Variants in PDGFRA observed in about 807,000 individuals in gnomAD.
The protein encoded by PDGFRA is platelet-derived growth factor receptor alpha.
PDGFRA carries 25 observed loss-of-function variants against 121.5 expected under a neutral mutation model. The observed-to-expected ratio is 0.21, with a 90% CI of 0.15 to 0.29. The LOEUF is 0.29. Ranked by LOEUF, PDGFRA falls within the 10% of genes least tolerant of loss-of-function variation. The probability of loss-of-function intolerance (pLI) is 1.00; values close to 1 mark genes in which losing one functional copy is unlikely to be tolerated. For synonymous variants in PDGFRA, 463 were observed against 494.8 expected, an observed-to-expected ratio of 0.94 and a Z score of 0.85; for missense variants, 1,008 against 1,345.1, an observed-to-expected ratio of 0.75 and a Z score of 3.92.
intron 1 of PDGFRA, among the ~76,000 whole-genome samples, chr4:54,255,574 T>C (rs1305581152): frequency 6.6e-6 from 1 of 151,526 alleles, no homozygotes; most frequent in Non-Finnish European, 1.5e-5. Context: ...GGCGCGATCT[T>C]GGCTCACTGC....
chr4:54,270,770 A>G (rs2110280510), intron 8 of PDGFRA, 22 bp downstream of exon 8: 3 of 1,277,980 alleles, frequency 2.3e-6, no homozygotes, highest in Non-Finnish European at 3.4e-6. Flanking sequence ...GAGTATAAAG[A>G]TAATGCTAGC....
In PDGFRA at chr4:54,261,327, C is replaced by A. The variant is rs750282565; in HGVS notation, c.282C>A (p.His94Gln). Reference sequence around the variant, plus strand: ...AAGTGAGCAGTGCCTCGGCGGCCCACACAGGGTTGTACACTTGCTATTACA... The same window carrying A: ...AAGTGAGCAGTGCCTCGGCGGCCCAAACAGGGTTGTACACTTGCTATTACA... ...VLEVSSASAA[H>Q]TGLYTCYYNH... The change falls in exon 3 of 23, where the codon CAC becomes CAA. Residue 94 changes from histidine to glutamine, a missense_variant. Physicochemically the swap from His to Gln is conservative, Grantham distance 24. Around this residue, in one of 5 missense-constraint regions of PDGFRA, gnomAD observed 575 missense variants for 701.8 expected, o/e 0.82. Transcript: ENST00000257290. The A allele has an allele frequency of 4.3e-6, 7 of 1,613,964 alleles. No homozygotes were observed. Among genetic ancestry groups the A allele is most frequent in the Non-Finnish European group, 5.9e-6 (7 of 1,180,000 alleles).
Position 54,280,311 on chromosome 4 carries a change from TA to T in PDGFRA, c.2157-4del, listed in dbSNP as rs1060504256. ...TGGGTAAGATTTCTCTTTCTGTTTT[TA>T]CAGCTATGTTATTTTATCTTTTGAA... On this transcript the variant is annotated splice_polypyrimidine_tract_variant and splice_region_variant and intron_variant, in intron 15 of 22. Coordinates refer to ENST00000257290, the MANE Select transcript of PDGFRA (RefSeq NM_006206.6). 7.4e-6 allele frequency: 12 copies of T among 1,613,112 alleles called. No homozygotes were observed. Among genetic ancestry groups the T allele is most frequent in the African/African-American group, 1.3e-5 (1 of 74,910 alleles).
Position 54,280,422 on chromosome 4 carries a change from T to C in PDGFRA, c.2263T>C (p.Ser755Pro), listed in dbSNP as rs780701113. 6.2e-7 allele frequency: 1 copy of C among 1,613,806 alleles called. No homozygotes were observed. Among genetic ancestry groups the C allele is most frequent in the South Asian group, 1.1e-5 (1 of 91,074 alleles). Reference protein sequence around the residue: ...MLERKEVSKYSDIQRSLYDRP... With the variant: ...MLERKEVSKYPDIQRSLYDRP... ...AGAAAGGAAAGAGGTTTCTAAATAT[T>C]CCGACATCCAGAGATCACTCTATGA... Residue 755 changes from serine to proline, a missense_variant, in exon 16 of 23, where the codon TCC (serine) becomes CCC (proline). Ser to Pro is a moderately conservative substitution (Grantham distance 74). Coordinates refer to ENST00000257290, the MANE Select transcript of PDGFRA (RefSeq NM_006206.6).
chr4:54,242,738 G>C (rs1721377395), intron 1 of PDGFRA, among the ~76,000 whole-genome samples: 1 of 151,962 alleles, frequency 6.6e-6, no homozygotes, highest in Non-Finnish European at 1.5e-5. Context: ...GACCATATTA[G>C]AGGACCTAAG....
intron 16 of PDGFRA, among the ~76,000 whole-genome samples, chr4:54,284,837 TATGTTTCTGC>T (rs1724247303): frequency 6.6e-6 from 1 of 151,590 alleles, no homozygotes; most frequent in Non-Finnish European, 1.5e-5. Flanking sequence ...AAACCAGATA[TATGTTTCTGC>T]ATATCTCTTT....
intron 1 of PDGFRA, among the ~76,000 whole-genome samples, chr4:54,236,106 T>G (rs1720992646): frequency 6.6e-6 from 1 of 152,256 alleles, no homozygotes; most frequent in Non-Finnish European, 1.5e-5. Flanking sequence ...GAGCTGTGAT[T>G]ATTGAGAATG....
At chr4:54,252,231 G>C (rs1162818036) in intron 1 of PDGFRA, among the ~76,000 whole-genome samples, 2 of 152,076 alleles carry the variant, frequency 1.3e-5, no homozygotes, top group Admixed American at 6.6e-5. Context: ...ATATCAGCTT[G>C]GTTTTAACAA....
In PDGFRA at chr4:54,295,494, GT is replaced by G. The variant is rs1724840525; in HGVS notation, c.*223del. ...CTTGCAATGCCTCAGTAGCATCTCAGTGGTGTGTGAAGTTTGGAGATAGATG... is the reference window on the plus strand; with the variant it reads ...CTTGCAATGCCTCAGTAGCATCTCAGGGTGTGTGAAGTTTGGAGATAGATG... On this transcript the variant is annotated 3_prime_UTR_variant, in exon 23 of 23. Coordinates refer to ENST00000257290, the MANE Select transcript of PDGFRA (RefSeq NM_006206.6). 1.6e-5 allele frequency: 9 copies of G among 562,098 alleles called. No individual in the cohort carries two copies. The South Asian group carries it at 1.6e-4, about 10-fold the overall frequency. The allele number at this position is 562,098 out of a possible 1,614,324, so 34.8% of individuals were successfully genotyped here.
intron 3 of PDGFRA, among the ~76,000 whole-genome samples, chr4:54,262,843 C>A (rs1722829854): frequency 3.3e-5 from 5 of 152,078 alleles, no homozygotes; most frequent in Admixed American, 3.3e-4. Flanking sequence ...CACACGAGTC[C>A]CTGAAGTTTT....
chr4:54,288,926 T>C (rs2110345348), intron 20 of PDGFRA, 28 bp downstream of exon 20: 2 of 1,553,562 alleles, frequency 1.3e-6, no homozygotes, highest in Non-Finnish European at 1.8e-6. Flanking sequence ...CCCGGGGGCC[T>C]GTGTTCACAG....
At chr4:54,271,854 C>CTCTCTTTT in intron 8 of PDGFRA, among the ~76,000 whole-genome samples, 1 of 135,004 alleles carries the variant, frequency 7.4e-6, no homozygotes, top group African/African-American at 2.7e-5. Flanking sequence ...CTCCCTCCCT[C>CTCTCTTTT]CCTTGTTCTC....
Position 54,295,328 on chromosome 4 carries a change from G to A in PDGFRA, c.*56G>A, listed in dbSNP as rs1206892876. ...TGGGGCCACCTCTGGATCCCGTTCA[G>A]AAAACCACTTTATTGCAATGCAGAG... On this transcript the variant is annotated 3_prime_UTR_variant, in exon 23 of 23. Transcript: ENST00000257290. 5.7e-5 allele frequency: 89 copies of A among 1,573,108 alleles called. No individual in the cohort carries two copies. The highest frequency in any genetic ancestry group is 2.3e-5 in the Non-Finnish European group (26 of 1,143,652).
chr4:54,287,737 T>C (rs1724426141), intron 19 of PDGFRA, among the ~76,000 whole-genome samples, 196 bp downstream of exon 19: 1 of 152,174 alleles, frequency 6.6e-6, no homozygotes, highest in Non-Finnish European at 1.5e-5. Flanking sequence ...TGGGGGTTTT[T>C]GTTGGGGGTT....
rs779626645 is a variant in PDGFRA, at chr4:54,267,579, C to G, written c.959C>G (p.Thr320Ser). 6.2e-7 allele frequency: 1 copy of G among 1,614,200 alleles called. No individual in the cohort carries two copies. The highest frequency in any genetic ancestry group is 8.5e-7 in the Non-Finnish European group (1 of 1,180,038). The change falls in exon 7 of 23, where the codon ACC (threonine) becomes AGC (serine). Residue 320 changes from threonine to serine, a missense_variant. By Grantham distance (58) the Thr-to-Ser change is moderately conservative. Transcript: ENST00000257290. ...AAAGGTTTCATTGAAATCAAACCCA[C>G]CTTCAGCCAGTTGGAAGCTGTCAAC... ...HEKGFIEIKP[T>S]FSQLEAVNLH...
At chr4:54,284,873 TTCTA>T (rs1469690900) in intron 16 of PDGFRA, among the ~76,000 whole-genome samples, 10 of 139,312 alleles carry the variant, frequency 7.2e-5, no homozygotes, top group Admixed American at 8.2e-5. Context: ...CTTTCATTCT[TTCTA>T]TCTTTTTTTT....
intron 5 of PDGFRA, among the ~76,000 whole-genome samples, chr4:54,265,995 A>G (rs67600360): frequency 0.18 from 27,183 of 152,070 alleles, 2,927 homozygotes; most frequent in Admixed American, 0.28. Context: ...GTCCTGGGGC[A>G]TCTGATAGGA....
intron 3 of PDGFRA, among the ~76,000 whole-genome samples, 187 bp from the exon 4 acceptor site, chr4:54,263,480 T>C (rs1197715515): frequency 1.3e-5 from 2 of 152,230 alleles, no homozygotes; most frequent in Non-Finnish European, 2.9e-5. Context: ...TTTGGTATTA[T>C]TCATACTTAA....
chr4:54,278,332 C>T lies in PDGFRA; in HGVS notation c.2003-30C>T, dbSNP rs201062529. Reference sequence around the variant, plus strand: ...GGCTTTTCTGTTCTTCATTTTCATACCCATCTCCTAACGGCTTTTGTCCCC... The same window carrying T: ...GGCTTTTCTGTTCTTCATTTTCATATCCATCTCCTAACGGCTTTTGTCCCC... On this transcript the variant is annotated intron_variant, in intron 14 of 22. Coordinates refer to ENST00000257290, the MANE Select transcript of PDGFRA (RefSeq NM_006206.6). 6.9e-6 allele frequency: 11 copies of T among 1,585,236 alleles called. No individual in the cohort carries two copies. In the African/African-American group the frequency reaches 1.5e-4, roughly 21 times the overall value.
Sources: gnomAD v4.1 joint callset for allele counts (sites outside exome capture counted in the v4.1 genomes callset) on GRCh38, gnomAD v4.1.1 for gene constraint, gnomAD v4.1.1 regional missense constraint, MANE v1.5 for transcripts, NCBI Gene and HGNC (gene_info 2026-07-23, HGNC 2026-07-21) for gene names.